Variants in TPD52 observed in about 807,000 individuals in gnomAD.
TPD52 encodes prostate and colon associated protein.
Under a neutral mutation model 31.3 loss-of-function variants are expected in TPD52, and 17 were observed. The ratio of observed to expected loss-of-function variants is 0.54; its 90% CI spans 0.37 to 0.82. The LOEUF is 0.82. Among genes scored for constraint, TPD52 ranks in the 40% least tolerant of loss-of-function variants. TPD52 has a pLI of 0.00. For missense variants in TPD52, 212 were observed against 240.1 expected, an observed-to-expected ratio of 0.88 and a Z score of 0.77; for synonymous variants, 83 against 89.6, an observed-to-expected ratio of 0.93 and a Z score of 0.42.
Position 80,044,282 on chromosome 8 carries a change from A to G in TPD52, c.414-74T>C, listed in dbSNP as rs866645052. The G allele has an allele frequency of 9.2e-5, 112 of 1,220,980 alleles. 1 individual carries two copies. The Middle Eastern group carries it at 6.7e-3, about 73-fold the overall frequency. The allele number at this position is 1,220,980 out of a possible 1,614,324, so 75.6% of individuals were successfully genotyped here. On this transcript the variant is annotated intron_variant, in intron 5 of 7. Transcript: ENST00000518937. ...GCTTCAACATTATTAAAAGCTGACA[A>G]AACTTAGCTCCCCAGGAGCTTTATT... is the stretch of plus-strand genomic sequence containing the variant.
chr8:80,064,418 T>C, intron 2 of TPD52, 60 bp downstream of exon 2: 4 of 1,311,894 alleles, frequency 3.0e-6, no homozygotes, highest in Non-Finnish European at 4.4e-6. Flanking sequence ...TACTTTAGAA[T>C]CACAAATGAC....
chr8:80,167,372 C>T (rs2033069), intron 1 of TPD52, among the ~76,000 whole-genome samples: 67,915 of 152,026 alleles, frequency 0.45, 16,477 homozygotes, highest in East Asian at 0.68. Context: ...TGTGAGTGAG[C>T]GTATTTGTTT....
At chr8:80,126,630 C>A (rs904391336) in intron 1 of TPD52, among the ~76,000 whole-genome samples, 1 of 151,846 alleles carries the variant, frequency 6.6e-6, no homozygotes, top group Admixed American at 6.6e-5. Flanking sequence ...TACAAGCATA[C>A]GCCACCATGC....
intron 1 of TPD52, chr8:80,080,631 C>T: frequency 7.4e-7 from 1 of 1,354,452 alleles, no homozygotes; most frequent in East Asian, 2.6e-5. Context: ...AGCCTTCACG[C>T]CCCTCCTGAT....
chr8:80,133,589 A>G (rs1809180463), intron 1 of TPD52, among the ~76,000 whole-genome samples: 1 of 152,168 alleles, frequency 6.6e-6, no homozygotes, highest in Non-Finnish European at 1.5e-5. Context: ...TCACTGAGCC[A>G]GAGAAACATG....
chr8:80,088,663 C>G (rs984915101), intron 1 of TPD52, among the ~76,000 whole-genome samples: 4 of 152,026 alleles, frequency 2.6e-5, no homozygotes, highest in African/African-American at 9.7e-5. Flanking sequence ...ATTGTGTCTC[C>G]CCAGCTTCAT....
chr8:80,133,478 C>CT lies in TPD52; in HGVS notation c.19+37946dup, dbSNP rs1473225059. Among the ~76,000 whole-genome samples the CT allele has an allele frequency of 2.6e-5, 4 of 152,304 alleles. No homozygotes were observed. The East Asian group carries it at 7.7e-4, about 29-fold the overall frequency. ...CCTCCAAAACCAGATATTCTTTCCT[C>CT]TTTGTGTTCCTCCTGGTCTCTTATT... is the stretch of plus-strand genomic sequence containing the variant. On this transcript the variant is annotated intron_variant, in intron 1 of 7. Transcript: ENST00000518937.
intron 1 of TPD52, among the ~76,000 whole-genome samples, chr8:80,081,478 A>T (rs1815282519): frequency 6.6e-6 from 1 of 152,176 alleles, no homozygotes; most frequent in African/African-American, 2.4e-5. Context: ...AGGAGGTAAA[A>T]ATAAAGGCGA....
In TPD52 at chr8:80,108,372, T is replaced by C. The variant is rs187999631; in HGVS notation, c.20-43779A>G. Among the ~76,000 whole-genome samples the C allele has an allele frequency of 2.8e-4, 42 of 152,376 alleles. No homozygotes were observed. In the East Asian group the frequency reaches 6.9e-3, roughly 25 times the overall value. ...TTTTATAAAATGTCTACAGTCATAA[T>C]CTTGATTATTATGTTAAAATGTTGT... On this transcript the variant is annotated intron_variant, in intron 1 of 7. Transcript: ENST00000518937.
At chr8:80,138,944 C>G (rs920511938) in intron 1 of TPD52, among the ~76,000 whole-genome samples, 23 of 152,174 alleles carry the variant, frequency 1.5e-4, no homozygotes, top group African/African-American at 5.6e-4. Context: ...TCATGGCAGC[C>G]CCTCCGACCC....
intron 1 of TPD52, chr8:80,080,743 G>A (rs1470286938): frequency 1.8e-6 from 2 of 1,087,250 alleles, no homozygotes; most frequent in Non-Finnish European, 2.2e-6. Context: ...ACCTGGGCAG[G>A]GAGCGAGCTT....
intron 1 of TPD52, among the ~76,000 whole-genome samples, chr8:80,101,448 CAA>C (rs113660828): frequency 2.6e-5 from 3 of 114,654 alleles, no homozygotes; most frequent in African/African-American, 8.7e-5. Context: ...ACTCCCAGCT[CAA>C]AAAAAAAAAA....
At position 80,054,790 on chromosome 8, in the gene TPD52, T is replaced by C. The variant is rs148846856; in HGVS notation, c.136-1360A>G. ...AAGAACCTACAACACCACTCTCAGA[T>C]AAGATTAACTGGAACAGAGGTCCCT... On this transcript the variant is annotated intron_variant, in intron 2 of 7. Transcript: ENST00000518937. 5.8e-3 allele frequency among the ~76,000 whole-genome samples: 871 copies of C among 150,706 alleles called. 4 individuals carry two copies. Among genetic ancestry groups the C allele is most frequent in the African/African-American group, 0.02 (821 of 41,058 alleles).
chr8:80,042,242 G>A (rs1334824060), intron 7 of TPD52: 2 of 985,258 alleles, frequency 2.0e-6, no homozygotes, highest in Non-Finnish European at 2.4e-6. Context: ...TGAGTGGTAG[G>A]ACCAATTTTT....
chr8:80,082,576 C>T (rs1243478445), intron 1 of TPD52, among the ~76,000 whole-genome samples: 4 of 152,232 alleles, frequency 2.6e-5, no homozygotes, highest in African/African-American at 9.6e-5. Context: ...CCATGTGACA[C>T]GCTCTACCTG....
intron 1 of TPD52, among the ~76,000 whole-genome samples, chr8:80,089,622 T>C (rs917152832): frequency 1.3e-5 from 2 of 152,190 alleles, no homozygotes; most frequent in Non-Finnish European, 2.9e-5. Flanking sequence ...ACAATCAGCA[T>C]GCAGGCCAAA....
intron 1 of TPD52, among the ~76,000 whole-genome samples, chr8:80,136,588 T>C (rs1809452778): frequency 6.7e-6 from 1 of 150,042 alleles, no homozygotes; most frequent in East Asian, 2.0e-4. Context: ...GAAGGACATT[T>C]TGGTCTCATA....
chr8:80,135,532 G>A, intron 1 of TPD52, among the ~76,000 whole-genome samples: 1 of 152,056 alleles, frequency 6.6e-6, no homozygotes, highest in Non-Finnish European at 1.5e-5. Context: ...TACTTAACAA[G>A]CACACTGTAA....
chr8:80,091,430 C>G (rs1217990348), intron 1 of TPD52, among the ~76,000 whole-genome samples: 1 of 148,994 alleles, frequency 6.7e-6, no homozygotes, highest in East Asian at 2.0e-4. Context: ...GATCGCGCCA[C>G]TGCGCTCCAG....
Sources: gnomAD v4.1 joint callset for allele counts (sites outside exome capture counted in the v4.1 genomes callset) on GRCh38, gnomAD v4.1.1 for gene constraint, MANE v1.5 for transcripts, NCBI Gene and HGNC (gene_info 2026-07-23, HGNC 2026-07-21) for gene names.